Variants in BPIFB3 observed in about 807,000 individuals in gnomAD.
BPIFB3 encodes the protein BPI fold-containing family B member 3.
Under a neutral mutation model 53.1 loss-of-function variants are expected in BPIFB3, and 49 were observed. That is an observed-to-expected ratio of 0.92 (90% CI 0.73 to 1.17). The LOEUF (loss-of-function observed/expected upper bound fraction) is 1.17, where lower values mean the gene tolerates loss of function less well. BPIFB3 is among the 50% of genes most tolerant of loss of function. BPIFB3 has a pLI of 0.00. For synonymous variants in BPIFB3, 271 were observed against 269.6 expected, an observed-to-expected ratio of 1.01 and a Z score of -0.05; for missense variants, 628 against 592.5, an observed-to-expected ratio of 1.06 and a Z score of -0.62.
exon 14 of BPIFB3, chr20:33,072,737 C>T (rs378098): frequency 0.14 from 227,527 of 1,611,942 alleles, 17,812 homozygotes; most frequent in African/African-American, 0.26. Flanking sequence ...TGTTGGAATT[C>T]CCCTGCCTAA....
At chr20:33,073,670 A>G (rs1980994199), downstream of BPIFB3, 7 of 1,576,766 alleles carry the variant, frequency 4.4e-6, no homozygotes, top group South Asian at 3.4e-5. Context: ...CTCTGCCTCA[A>G]TTTCCCTCCC....
chr20:33,064,625 C>T (rs1335865426), intron 7 of BPIFB3, 41 bp from the exon 9 acceptor site: 2 of 1,611,874 alleles, frequency 1.2e-6, no homozygotes, highest in Admixed American at 1.7e-5. Context: ...GGTGGGTGAG[C>T]ACCTTAAGAC....
chr20:33,059,645 C>T (rs1413131091), intron 3 of BPIFB3, among the ~76,000 whole-genome samples, 163 bp downstream of exon 4: 1 of 152,084 alleles, frequency 6.6e-6, no homozygotes, highest in Admixed American at 6.5e-5. Flanking sequence ...TGTTTCCCCC[C>T]TGGATCCTAT....
chr20:33,060,235 C>T (rs1980395841), intron 4 of BPIFB3, among the ~76,000 whole-genome samples: 1 of 152,208 alleles, frequency 6.6e-6, no homozygotes, highest in African/African-American at 2.4e-5. Flanking sequence ...TAATCCATAG[C>T]TTGTGCCACC....
Position 33,060,046 on chromosome 20 carries a change from T to C in BPIFB3, c.527+15T>C, listed in dbSNP as rs1376918951. ...CTGTTCTCAGGGTGAGTCTGCAGGT[T>C]CCAGCCTGCAACCCTGACCCGCTCA... On this transcript the variant is annotated intron_variant, in intron 4 of 14. Coordinates refer to ENST00000375494, the Ensembl canonical transcript of BPIFB3. The C allele has an allele frequency of 1.2e-6, 2 of 1,612,866 alleles. No homozygotes were observed. The highest frequency in any genetic ancestry group is 1.3e-5 in the African/African-American group (1 of 74,908).
At chr20:33,068,676 C>A (rs919821704) in intron 9 of BPIFB3, 127 bp from the exon 11 acceptor site, 2 of 991,780 alleles carry the variant, frequency 2.0e-6, no homozygotes, top group Non-Finnish European at 3.0e-6. Flanking sequence ...AGGCCTGTGT[C>A]TTTCAGGCTG....
chr20:33,067,153 A>G (rs1568995599), intron 9 of BPIFB3, among the ~76,000 whole-genome samples: 1 of 152,238 alleles, frequency 6.6e-6, no homozygotes, highest in Non-Finnish European at 1.5e-5. Flanking sequence ...AAGTCTTTTC[A>G]GGTTACTGAG....
At chr20:33,062,297 T>C (rs399355) in intron 5 of BPIFB3, among the ~76,000 whole-genome samples, 118,375 of 152,056 alleles carry the variant, frequency 0.78, 46,390 homozygotes, top group East Asian at 0.98. Flanking sequence ...TCCTGGCTTC[T>C]GCACTCGAGA....
chr20:33,069,690 C>G (rs1293049274), intron 10 of BPIFB3, among the ~76,000 whole-genome samples, 198 bp from the exon 12 acceptor site: 1 of 152,228 alleles, frequency 6.6e-6, no homozygotes, highest in African/African-American at 2.4e-5. Flanking sequence ...CAATTGCCCT[C>G]AATTTTAATA....
chr20:33,067,057 G>C (rs894082960), intron 9 of BPIFB3, among the ~76,000 whole-genome samples, 180 bp downstream of exon 10: 1 of 152,226 alleles, frequency 6.6e-6, no homozygotes, highest in Non-Finnish European at 1.5e-5. Context: ...ATTTTGCTTA[G>C]AGAGTAAAGG....
At chr20:33,070,146 T>C (rs1217905517) in intron 11 of BPIFB3, among the ~76,000 whole-genome samples, 191 bp downstream of exon 12, 2 of 152,148 alleles carry the variant, frequency 1.3e-5, no homozygotes, top group African/African-American at 4.8e-5. Flanking sequence ...AATCGGGGGC[T>C]CAGAGCAGCA....
At chr20:33,069,833 T>A (rs974434233) in intron 10 of BPIFB3, 55 bp from the exon 12 acceptor site, 18 of 1,575,176 alleles carry the variant, frequency 1.1e-5, no homozygotes, top group Middle Eastern at 3.6e-4. Context: ...GGCAGACCCG[T>A]CCTCAAGCTC....
intron 11 of BPIFB3, among the ~76,000 whole-genome samples, 185 bp downstream of exon 12, chr20:33,070,140 G>C (rs1028676539): frequency 6.6e-6 from 1 of 152,150 alleles, no homozygotes; most frequent in Admixed American, 6.5e-5. Flanking sequence ...ACAAGGAATC[G>C]GGGGCTCAGA....
At chr20:33,068,558 A>G (rs750789882) in intron 9 of BPIFB3, among the ~76,000 whole-genome samples, 5 of 152,148 alleles carry the variant, frequency 3.3e-5, no homozygotes, top group Admixed American at 6.5e-5. Context: ...CACAGAGCCT[A>G]TGGCCTCGGG....
chr20:33,054,699 C>A (rs1372851296), upstream of BPIFB3, among the ~76,000 whole-genome samples: 5 of 152,096 alleles, frequency 3.3e-5, no homozygotes. Context: ...CAGCGGGGAG[C>A]CACTGAAGGG....
intron 8 of BPIFB3, among the ~76,000 whole-genome samples, chr20:33,065,635 G>A (rs985593338): frequency 6.6e-6 from 1 of 152,112 alleles, no homozygotes; most frequent in Non-Finnish European, 1.5e-5. Context: ...GAAAACTAGG[G>A]TTGGATTGTA....
upstream of BPIFB3, among the ~76,000 whole-genome samples, chr20:33,054,274 C>A (rs897280264): frequency 6.6e-6 from 1 of 151,956 alleles, no homozygotes; most frequent in Non-Finnish European, 1.5e-5. Flanking sequence ...AATTTCTATC[C>A]CCTGCCCCCT....
At chr20:33,071,283 C>A in exon 12 of BPIFB3, 1 of 1,564,674 alleles carries the variant, frequency 6.4e-7, no homozygotes, top group East Asian at 2.3e-5. Context: ...CCTCCTTTAC[C>A]CATGCCTTTG....
upstream of BPIFB3, chr20:33,055,337 AG>A: frequency 2.6e-6 from 4 of 1,562,560 alleles, no homozygotes; most frequent in South Asian, 1.2e-5. Context: ...GTGGGCAGGA[AG>A]GGGGAAGGCT....
Sources: allele counts gnomAD v4.1 joint callset (sites outside exome capture counted in the v4.1 genomes callset), GRCh38; gene constraint gnomAD v4.1.1; transcripts MANE v1.5; gene names NCBI Gene and HGNC (gene_info 2026-07-23, HGNC 2026-07-21).